NR2E3: variants seen among roughly 807,000 people sequenced by gnomAD.
NR2E3 encodes the protein nuclear receptor subfamily 2 group E member 3.
In NR2E3, 38 loss-of-function variants were observed where a neutral mutation model predicts 37.6. The ratio of observed to expected loss-of-function variants is 1.01; its 90% CI spans 0.78 to 1.33. The LOEUF (loss-of-function observed/expected upper bound fraction) is 1.33, where lower values mean the gene tolerates loss of function less well. Ranked by LOEUF, NR2E3 falls within the 40% of genes most tolerant of loss-of-function variation. NR2E3 has a pLI of 0.00. For synonymous variants in NR2E3, 235 were observed against 225.1 expected (o/e 1.04, Z -0.39); for missense variants, 562 against 558.7 (o/e 1.01, Z -0.06).
intron 7 of NR2E3, chr15:71,814,395 GC>G: frequency 3.3e-6 from 4 of 1,202,514 alleles, no homozygotes; most frequent in Non-Finnish European, 4.1e-6. Context: ...GCATGAATCT[GC>G]AGGAGACAGA....
chr15:71,811,690 TGG>T lies in NR2E3; in HGVS notation c.246-74_246-73del. ...GGGGGTGCTCAGGGGAAGAGGGGCTTGGGCAAAAATGTCCAAGCCCATGGCTC... is the reference window on the plus strand; with the variant it reads ...GGGGGTGCTCAGGGGAAGAGGGGCTTGCAAAAATGTCCAAGCCCATGGCTC... On this transcript the variant is annotated intron_variant, in intron 2 of 7. Transcript: ENST00000617575. This position sits in a 1 kb window ranked among gnomAD's most constrained non-coding sequence, Gnocchi z 5.6. 1 of 1,554,646 alleles carries T rather than the reference TGG, an allele frequency of 6.4e-7. No individual in the cohort carries two copies. Among genetic ancestry groups the T allele is most frequent in the Non-Finnish European group, 8.7e-7 (1 of 1,147,456 alleles).
intron 7 of NR2E3, among the ~76,000 whole-genome samples, chr15:71,815,288 C>T (rs138575723): frequency 6.6e-6 from 1 of 152,202 alleles, no homozygotes; most frequent in African/African-American, 2.4e-5. Context: ...ATATGGGCAT[C>T]CTTGCATCAC....
Position 71,813,623 on chromosome 15 carries a change from C to G in NR2E3, c.982C>G (p.Leu328Val), listed in dbSNP as rs747469901. The G allele has an allele frequency of 1.1e-5, 18 of 1,613,842 alleles. No individual in the cohort carries two copies. The highest frequency in any genetic ancestry group is 1.3e-5 in the Non-Finnish European group (15 of 1,179,884). ...TEFACMKALV[L>V]FKPETRGLKD... ...GTTTGCCTGCATGAAGGCCTTGGTC[C>G]TCTTCAAGCCAGGTAACTGAGTCTC... Residue 328 changes from leucine (L) to valine (V), a missense_variant, in exon 6 of 8, where the codon CTC becomes GTC. Physicochemically the swap from Leu to Val is conservative, Grantham distance 32. Coordinates refer to ENST00000617575, the MANE Select transcript of NR2E3 (RefSeq NM_014249.4). The surrounding 1 kb of genome is among the most constrained non-coding windows in gnomAD (Gnocchi z 4.7).
At chr15:71,816,608 C>G (rs1407490597) in intron 7 of NR2E3, among the ~76,000 whole-genome samples, 3 of 152,098 alleles carry the variant, frequency 2.0e-5, no homozygotes, top group Non-Finnish European at 2.9e-5. Flanking sequence ...CAATGACTAT[C>G]TCAGTCACCA....
At chr15:71,817,310 G>C (rs2054234621) in intron 7 of NR2E3, 3 of 291,896 alleles carry the variant, frequency 1.0e-5, no homozygotes, top group Non-Finnish European at 2.0e-5. Flanking sequence ...ATGTTAGCCA[G>C]GATGGTCTCG....
rs998748410 is a variant in NR2E3 at position 71,811,081 on chromosome 15, A to G, written c.118+220A>G. ...GGGCAGGCTGCAGAGCCAGGACAGG[A>G]CAGCCTAGCCGATGGGGAAGGAAAG... On this transcript the variant is annotated intron_variant, in intron 1 of 7. Coordinates refer to ENST00000617575, the MANE Select transcript of NR2E3 (RefSeq NM_014249.4). This position sits in a 1 kb window ranked among gnomAD's most constrained non-coding sequence, Gnocchi z 5.6. 1.3e-5 allele frequency among the ~76,000 whole-genome samples: 2 copies of G among 151,996 alleles called. No individual in the cohort carries two copies. Among genetic ancestry groups the G allele is most frequent in the African/African-American group, 2.4e-5 (1 of 41,384 alleles).
intron 7 of NR2E3, among the ~76,000 whole-genome samples, chr15:71,816,221 C>T (rs1045535636): frequency 2.0e-5 from 3 of 151,636 alleles, no homozygotes; most frequent in African/African-American, 4.9e-5. Context: ...CTTCACCATC[C>T]GTCTTTTGTG....
intron 7 of NR2E3, chr15:71,814,754 G>T: frequency 1.0e-6 from 1 of 985,610 alleles, no homozygotes; most frequent in Non-Finnish European, 1.2e-6. Context: ...CATGGCCATG[G>T]GTCCAGAGGA....
At position 71,814,780 on chromosome 15, in the gene NR2E3, G is replaced by C. The variant is rs188374522; in HGVS notation, c.1100+663G>C. Reference sequence around the variant, plus strand: ...GTCCAGAGGATACTACTGGGAAGGGGATGGCAGCTACTGCCACCTTCCAGA... The same window carrying C: ...GTCCAGAGGATACTACTGGGAAGGGCATGGCAGCTACTGCCACCTTCCAGA... On this transcript the variant is annotated intron_variant, in intron 7 of 7. Coordinates refer to ENST00000617575, the MANE Select transcript of NR2E3 (RefSeq NM_014249.4). 1.7e-4 allele frequency: 169 copies of C among 985,518 alleles called. 2 individuals are homozygous for C. The East Asian group carries it at 0.012, about 70-fold the overall frequency. The allele number at this position is 985,518 out of a possible 1,614,324, so 61.0% of individuals were successfully genotyped here. A position where few individuals can be genotyped will look rare whatever the true frequency, so the allele number is the denominator to read the frequency against.
chr15:71,812,066 G>A lies in NR2E3; in HGVS notation c.461G>A (p.Gly154Glu). The change falls in exon 4 of 8, where the codon GGG becomes GAG. Residue 154 changes from glycine (G) to glutamate (E), a missense_variant. Gly to Glu is a moderately conservative substitution (Grantham distance 98, BLOSUM62 -2). Transcript: ENST00000617575. ...ESLVAPPAPA[G>E]RSPRGPTPMS... ...CTGGTGGCTCCCCCGGCCCCGGCAGGGCGCAGCCCACGGGGCCCCACACCC... is the reference window on the plus strand; with the variant it reads ...CTGGTGGCTCCCCCGGCCCCGGCAGAGCGCAGCCCACGGGGCCCCACACCC... 6.4e-7 allele frequency: 1 copy of A among 1,553,242 alleles called. No individual in the cohort carries two copies.
chr15:71,814,347 CT>C lies in NR2E3; in HGVS notation c.1100+231del. On this transcript the variant is annotated intron_variant, in intron 7 of 7. Transcript: ENST00000617575. The stretch of plus-strand genomic sequence containing the variant: ...CTAGAGACAACCGGCAGTGACCTCA[CT>C]GAAGACAAAAACTGCCCTAGCCAGG... The C allele has an allele frequency of 2.3e-6, 3 of 1,321,472 alleles. No individual in the cohort carries two copies. The South Asian group carries it at 6.9e-5, about 30-fold the overall frequency. 81.9% of individuals were successfully genotyped at this position (1,321,472 alleles called of 1,614,324 possible). A position where few individuals can be genotyped will look rare whatever the true frequency, so the allele number is the denominator to read the frequency against.
intron 7 of NR2E3, 62 bp from the exon 8 acceptor site, chr15:71,817,490 G>A (rs2054235905): frequency 5.9e-6 from 9 of 1,512,886 alleles, no homozygotes; most frequent in Admixed American, 3.5e-5. Context: ...GGAGGGCACC[G>A]CCCCAGGGAC....
chr15:71,817,025 A>C (rs1244079863), intron 7 of NR2E3, among the ~76,000 whole-genome samples: 2 of 152,044 alleles, frequency 1.3e-5, no homozygotes, highest in Non-Finnish European at 2.9e-5. Context: ...CTCCTAAACT[A>C]AATAGAGGGT....
intron 7 of NR2E3, among the ~76,000 whole-genome samples, chr15:71,817,063 G>A (rs553258419): frequency 2.0e-5 from 3 of 151,644 alleles, no homozygotes; most frequent in Non-Finnish European, 4.4e-5. Context: ...CGAGGTAGGT[G>A]GAGGCAACTC....
At chr15:71,812,302 CA>C in intron 4 of NR2E3, 33 bp from the exon 5 acceptor site, 1 of 1,613,724 alleles carries the variant, frequency 6.2e-7, no homozygotes, top group Admixed American at 1.7e-5. Context: ...TCCCGAGAAG[CA>C]GGCGCTAAGA....
chr15:71,812,637 C>A, intron 5 of NR2E3, 126 bp downstream of exon 5: 2 of 828,768 alleles, frequency 2.4e-6, no homozygotes, highest in Non-Finnish European at 3.7e-6. Context: ...ATGGTGATGG[C>A]TGGGGACACA....
intron 7 of NR2E3, chr15:71,814,735 G>A (rs763343630): frequency 2.2e-5 from 22 of 985,660 alleles, no homozygotes; most frequent in African/African-American, 7.0e-5. Flanking sequence ...TGGACCTCAC[G>A]CAGACTGGCA....
chr15:71,812,312 G>T, intron 4 of NR2E3, 24 bp from the exon 5 acceptor site: 1 of 1,613,890 alleles, frequency 6.2e-7, no homozygotes, highest in Non-Finnish European at 8.5e-7. Context: ...CAGGCGCTAA[G>T]ATCACAACCT....
Position 71,811,583 on chromosome 15 carries a change from G to C in NR2E3, c.219G>C (p.Arg73Ser). 6.2e-7 allele frequency: 1 copy of C among 1,604,728 alleles called. No homozygotes were observed. Among genetic ancestry groups the C allele is most frequent in the Non-Finnish European group, 8.5e-7 (1 of 1,176,200 alleles). Residue 73 changes from arginine to serine, a missense_variant, in exon 2 of 8, where the codon AGG (arginine) becomes AGC (serine). Physicochemically the swap from Arg to Ser is moderately radical, Grantham distance 110. Transcript: ENST00000617575. The surrounding 1 kb of genome is among the most constrained non-coding windows in gnomAD (Gnocchi z 5.6). Reference protein sequence around the residue: ...ACNGCSGFFKRSVRRRLIYRC... With the variant: ...ACNGCSGFFKSSVRRRLIYRC... ...ACGGCTGCAGCGGCTTCTTCAAGAG[G>C]AGCGTACGGCGGAGGCTCATCTACA...
Sources: gnomAD v4.1 joint callset for allele counts (sites outside exome capture counted in the v4.1 genomes callset) on GRCh38, gnomAD v4.1.1 for gene constraint, Gnocchi (gnomAD v3.1) non-coding constraint, MANE v1.5 for transcripts, NCBI Gene and HGNC (gene_info 2026-07-23, HGNC 2026-07-21) for gene names.